The following DMD variants were observed in gnomAD, a reference collection of about 807,000 sequenced individuals.
The protein encoded by DMD is dystrophin.
DMD carries 63 observed loss-of-function variants against 330.1 expected under a neutral mutation model. That is an observed-to-expected ratio of 0.19 (90% CI 0.16 to 0.24). The LOEUF (loss-of-function observed/expected upper bound fraction) is 0.24. Ranked by LOEUF, DMD falls within the 10% of genes least tolerant of loss-of-function variation. DMD has a pLI of 1.00. For synonymous variants in DMD, 1,223 were observed against 959.8 expected (o/e 1.27, Z -5.07); for missense variants, 3,344 against 2,684.1 (o/e 1.25, Z -5.43).
intron 17 of DMD, among the ~76,000 whole-genome samples, chrX:32,524,378 A>G (rs2046753205): frequency 8.9e-6 from 1 of 112,169 alleles, no homozygotes; most frequent in South Asian, 3.7e-4. Flanking sequence ...CAGACATGCT[A>G]TTAACTCCAT....
intron 46 of DMD, among the ~76,000 whole-genome samples, chrX:31,931,054 T>A (rs182887281): frequency 3.6e-5 from 4 of 112,169 alleles, no homozygotes; most frequent in African/African-American, 1.3e-4. Context: ...GAAATAAACG[T>A]TTGACATTGG....
intron 62 of DMD, among the ~76,000 whole-genome samples, chrX:31,304,442 A>T (rs2054876184): frequency 9.0e-6 from 1 of 110,805 alleles, no homozygotes; most frequent in Non-Finnish European, 1.9e-5. Flanking sequence ...TTAGATGCCT[A>T]AGAATATACT....
At chrX:32,150,136 A>C (rs949599510) in intron 44 of DMD, among the ~76,000 whole-genome samples, 1 of 112,442 alleles carries the variant, frequency 8.9e-6, no homozygotes, top group Non-Finnish European at 1.9e-5. Context: ...CACAGCAGGG[A>C]AAATGTTAAA....
chrX:32,431,581 G>A (rs989231072), intron 29 of DMD, among the ~76,000 whole-genome samples: 1 of 110,574 alleles, frequency 9.0e-6, no homozygotes, highest in Non-Finnish European at 1.9e-5. Flanking sequence ...AACACAGTCT[G>A]TACATTCTCT....
At chrX:33,132,960 A>T (rs1031156253) in intron 1 of DMD, among the ~76,000 whole-genome samples, 4 of 112,031 alleles carry the variant, frequency 3.6e-5, no homozygotes, top group African/African-American at 1.3e-4. Flanking sequence ...CAATAATAAG[A>T]TGATAATCAC....
chrX:32,668,764 T>A (rs192784404), intron 9 of DMD, among the ~76,000 whole-genome samples: 34 of 111,339 alleles, frequency 3.1e-4, no homozygotes, highest in African/African-American at 1.0e-3. Context: ...AAGATTTTTT[T>A]TTTTTAATGA....
At chrX:33,253,532 T>C (rs2052805713) in intron 1 of DMD, among the ~76,000 whole-genome samples, 1 of 111,579 alleles carries the variant, frequency 9.0e-6, no homozygotes, top group Non-Finnish European at 1.9e-5. Flanking sequence ...AAAATTTCAA[T>C]GAGTGAATTT....
intron 43 of DMD, among the ~76,000 whole-genome samples, chrX:32,268,458 C>G (rs1179808058): frequency 9.0e-6 from 1 of 111,626 alleles, no homozygotes; most frequent in Non-Finnish European, 1.9e-5. Context: ...GTGTTTTATG[C>G]CTTCCCAGAC....
chrX:32,103,854 T>A (rs1054740453), intron 44 of DMD, among the ~76,000 whole-genome samples: 1 of 111,972 alleles, frequency 8.9e-6, no homozygotes, highest in Non-Finnish European at 1.9e-5. Flanking sequence ...TATAACCTTT[T>A]TTCCCCCCAG....
intron 50 of DMD, among the ~76,000 whole-genome samples, chrX:31,776,228 G>A (rs1376882476): frequency 3.6e-5 from 4 of 111,190 alleles, no homozygotes; most frequent in Non-Finnish European, 7.5e-5. Context: ...ACACCAGGCT[G>A]ACTGGCAAAT....
intron 16 of DMD, among the ~76,000 whole-genome samples, chrX:32,563,982 T>C (rs1378844602): frequency 2.7e-5 from 3 of 111,735 alleles, no homozygotes; most frequent in Admixed American, 1.9e-4. Flanking sequence ...CAGTATCCAA[T>C]AGTCTTATTT....
intron 20 of DMD, among the ~76,000 whole-genome samples, chrX:32,488,421 T>C (rs1320557221): frequency 8.9e-6 from 1 of 111,767 alleles, no homozygotes; most frequent in Non-Finnish European, 1.9e-5. Flanking sequence ...CATTAGAATA[T>C]GAGCTAAATA....
At position 33,211,416 on chromosome X, in the gene DMD, C is replaced by A; in HGVS notation, c.-104G>T. ...AAAACAATGAGAAACCAACAAACTT[C>A]AGCAGCTTTAAAAAAAGTAACACTT... is the stretch of plus-strand genomic sequence containing the variant. On this transcript the variant is annotated 5_prime_UTR_variant, in exon 1 of 79. Transcript: ENST00000357033. 4.3e-6 allele frequency: 5 copies of A among 1,161,393 alleles called. No homozygotes were observed. The South Asian group carries it at 7.8e-5, about 18-fold the overall frequency.
At chrX:31,603,356 A>C (rs751751498) in intron 55 of DMD, among the ~76,000 whole-genome samples, 2 of 111,674 alleles carry the variant, frequency 1.8e-5, no homozygotes, top group East Asian at 5.7e-4. Context: ...AATCCAGTAA[A>C]GTTCTACTAA....
chrX:32,246,756 T>C (rs1016264808), intron 43 of DMD, among the ~76,000 whole-genome samples: 6 of 108,838 alleles, frequency 5.5e-5, no homozygotes, highest in African/African-American at 2.0e-4. Context: ...TGTGTAGAGG[T>C]GTTTGTAGTA....
At chrX:31,485,439 G>A (rs1351577971) in intron 57 of DMD, among the ~76,000 whole-genome samples, 3 of 111,454 alleles carry the variant, frequency 2.7e-5, no homozygotes, top group Non-Finnish European at 5.7e-5. Flanking sequence ...CAGGTGATCC[G>A]TTTGCCTCGG....
At chrX:32,851,787 A>G (rs1389133698) in intron 2 of DMD, among the ~76,000 whole-genome samples, 1 of 111,855 alleles carries the variant, frequency 8.9e-6, no homozygotes, top group African/African-American at 3.3e-5. Flanking sequence ...ATTGGAACCC[A>G]GTGCTGCCCT....
At chrX:31,525,034 C>T (rs753322318) in intron 55 of DMD, among the ~76,000 whole-genome samples, 2 of 111,942 alleles carry the variant, frequency 1.8e-5, no homozygotes, top group East Asian at 5.6e-4. Flanking sequence ...TGGAACTACT[C>T]AAACCCGAAA....
chrX:31,426,031 A>G (rs1458621455), intron 60 of DMD, among the ~76,000 whole-genome samples: 3 of 111,711 alleles, frequency 2.7e-5, no homozygotes, highest in African/African-American at 9.8e-5. Flanking sequence ...ACTGCATCAG[A>G]AACGCTGGGA....
Sources: allele counts gnomAD v4.1 joint callset (sites outside exome capture counted in the v4.1 genomes callset), GRCh38; gene constraint gnomAD v4.1.1; transcripts MANE v1.5; gene names NCBI Gene and HGNC (gene_info 2026-07-23, HGNC 2026-07-21).